Variants in SLC1A1 observed in about 807,000 individuals in gnomAD.
SLC1A1 encodes excitatory amino acid transporter 3.
SLC1A1 carries 43 observed loss-of-function variants against 53.3 expected under a neutral mutation model. The ratio of observed to expected loss-of-function variants is 0.81; its 90% CI spans 0.63 to 1.04. The LOEUF is 1.04. Among genes scored for constraint, SLC1A1 ranks in the 50% least tolerant of loss-of-function variants. The pLI is 0.00. For synonymous variants in SLC1A1, 307 were observed against 243.2 expected (o/e 1.26, Z -2.44); for missense variants, 748 against 664.9 (o/e 1.12, Z -1.37).
intron 10 of SLC1A1, among the ~76,000 whole-genome samples, chr9:4,580,284 T>C (rs1392960207): frequency 6.6e-6 from 1 of 151,396 alleles, no homozygotes; most frequent in African/African-American, 2.4e-5. Context: ...GAAAGAAAAG[T>C]AAAGCTAATT....
intron 11 of SLC1A1, among the ~76,000 whole-genome samples, chr9:4,584,635 A>G (rs902539468): frequency 6.6e-6 from 1 of 152,310 alleles, no homozygotes; most frequent in Admixed American, 6.5e-5. Flanking sequence ...GCCAGTATCA[A>G]AATGGATCCT....
At chr9:4,521,251 CT>C (rs1053772842) in intron 1 of SLC1A1, among the ~76,000 whole-genome samples, 6 of 152,072 alleles carry the variant, frequency 3.9e-5, no homozygotes, top group African/African-American at 1.4e-4. Flanking sequence ...TAATTTTTTT[CT>C]GCCATATTGT....
chr9:4,532,862 C>A (rs1816527442), intron 1 of SLC1A1, among the ~76,000 whole-genome samples: 1 of 152,148 alleles, frequency 6.6e-6, no homozygotes, highest in South Asian at 2.1e-4. Context: ...AACAGCTGAT[C>A]TCTCGGCAGA....
chr9:4,521,319 G>T (rs185788930), intron 1 of SLC1A1, among the ~76,000 whole-genome samples: 8 of 152,300 alleles, frequency 5.3e-5, no homozygotes, highest in Non-Finnish European at 1.2e-4. Context: ...GTATTTGGAA[G>T]GTCATCAGGA....
Position 4,583,882 on chromosome 9 carries a change from T to TCA in SLC1A1, c.1328+739_1328+740dup, listed in dbSNP as rs113177004. 4.4e-3 allele frequency among the ~76,000 whole-genome samples: 606 copies of TCA among 137,024 alleles called. 1 individual carries two copies. The highest frequency in any genetic ancestry group is 0.033 in the East Asian group (162 of 4,850). The allele number at this position is 137,024 out of a possible 152,430, so 89.9% of individuals were successfully genotyped here. On this transcript the variant is annotated intron_variant, in intron 11 of 11. Coordinates refer to ENST00000262352, the MANE Select transcript of SLC1A1 (RefSeq NM_004170.6). The surrounding 1 kb of genome is among the most constrained non-coding windows in gnomAD (Gnocchi z 4.6). ...CTCTCTCTCTCTCTCTCTCTCTCTC[T>TCA]CACACACACACACACACACACACAC...
chr9:4,520,517 C>T (rs1044784531), intron 1 of SLC1A1, among the ~76,000 whole-genome samples: 19 of 152,176 alleles, frequency 1.2e-4, no homozygotes, highest in African/African-American at 4.6e-4. Context: ...AATACATGGA[C>T]TTTTGTGACT....
rs186959309 is a variant in SLC1A1 at position 4,512,416 on chromosome 9, G to A, written c.91+21646G>A. Among the ~76,000 whole-genome samples the A allele has an allele frequency of 3.0e-3, 452 of 152,256 alleles. 5 individuals are homozygous for A. Among genetic ancestry groups the A allele is most frequent in the African/African-American group, 9.6e-3 (400 of 41,556 alleles). ...CCAGCTACTTGGTAGGCTGAGGTGG[G>A]AGGATTGCTTGAGCCCGGGAGATTG... On this transcript the variant is annotated intron_variant, in intron 1 of 11. Coordinates refer to ENST00000262352, the MANE Select transcript of SLC1A1 (RefSeq NM_004170.6).
intron 1 of SLC1A1, among the ~76,000 whole-genome samples, chr9:4,533,542 A>G (rs1206788020): frequency 2.0e-5 from 3 of 152,250 alleles, no homozygotes; most frequent in African/African-American, 4.8e-5. Flanking sequence ...CACCCAATAC[A>G]GGAGCACCCA....
rs745637813 is a variant in SLC1A1, at chr9:4,566,028, C to T, written c.441-19C>T. On this transcript the variant is annotated intron_variant, in intron 4 of 11. Coordinates refer to ENST00000262352, the MANE Select transcript of SLC1A1 (RefSeq NM_004170.6). ...TACTTTTTGCCCTAACATAATACTGCCTTTTATGTCTCCAACAGGAATATG... is the reference window on the plus strand; with the variant it reads ...TACTTTTTGCCCTAACATAATACTGTCTTTTATGTCTCCAACAGGAATATG... 3.1e-6 allele frequency: 5 copies of T among 1,603,344 alleles called. No homozygotes were observed. The South Asian group carries it at 4.4e-5, about 14-fold the overall frequency.
chr9:4,517,439 T>A lies in SLC1A1; in HGVS notation c.91+26669T>A, dbSNP rs76361151. On this transcript the variant is annotated intron_variant, in intron 1 of 11. Coordinates refer to ENST00000262352, the MANE Select transcript of SLC1A1 (RefSeq NM_004170.6). ...CTCTTTGACCTCACAACATAGCACCTCTGTGGTGCTGGCACGAAGAAGTCA... is the reference window on the plus strand; with the variant it reads ...CTCTTTGACCTCACAACATAGCACCACTGTGGTGCTGGCACGAAGAAGTCA... Among the ~76,000 whole-genome samples, 1,163 of 152,268 alleles carry A rather than the reference T, an allele frequency of 7.6e-3. 17 individuals are homozygous for A. The highest frequency in any genetic ancestry group is 0.026 in the African/African-American group (1,096 of 41,552).
intron 4 of SLC1A1, among the ~76,000 whole-genome samples, 182 bp downstream of exon 4, chr9:4,564,640 T>A (rs1819308253): frequency 6.6e-6 from 1 of 152,220 alleles, no homozygotes; most frequent in Non-Finnish European, 1.5e-5. Flanking sequence ...CAAGTCTTGG[T>A]TCCAAGAGGG....
chr9:4,584,390 C>A (rs150767029), intron 11 of SLC1A1, among the ~76,000 whole-genome samples: 183 of 152,278 alleles, frequency 1.2e-3, no homozygotes, highest in African/African-American at 3.9e-3. Flanking sequence ...CATTTTTCTC[C>A]TTTCCCTGAG....
chr9:4,505,483 G>C (rs75856102), intron 1 of SLC1A1, among the ~76,000 whole-genome samples: 5,593 of 152,210 alleles, frequency 0.037, 361 homozygotes, highest in African/African-American at 0.12. Flanking sequence ...TGAGCTCCCA[G>C]AAAAATAATA....
chr9:4,511,377 A>G (rs77103729), intron 1 of SLC1A1, among the ~76,000 whole-genome samples: 6,533 of 152,080 alleles, frequency 0.043, 477 homozygotes, highest in African/African-American at 0.15. Context: ...CTCTTTCAAA[A>G]AGGCACTAAT....
At chr9:4,568,443 G>A (rs1385477266) in intron 6 of SLC1A1, among the ~76,000 whole-genome samples, 3 of 151,612 alleles carry the variant, frequency 2.0e-5, no homozygotes, top group Non-Finnish European at 2.9e-5. Context: ...GGACCAGGCT[G>A]GGCATGGTGG....
chr9:4,545,074 G>T (rs1817356695), intron 2 of SLC1A1, among the ~76,000 whole-genome samples: 2 of 152,186 alleles, frequency 1.3e-5, no homozygotes, highest in Non-Finnish European at 2.9e-5. Flanking sequence ...TACAATTCAA[G>T]ATGAGATTTG....
chr9:4,573,894 G>T lies in SLC1A1; in HGVS notation c.768-13G>T. ...GATGACGGAATCACGCCTCTGTTGT[G>T]CTTCCTTTCCAGTTATATGCCACTA... On this transcript the variant is annotated splice_polypyrimidine_tract_variant and intron_variant, in intron 7 of 11. Transcript: ENST00000262352. 1.3e-6 allele frequency: 2 copies of T among 1,561,822 alleles called. No homozygotes were observed. Among genetic ancestry groups the T allele is most frequent in the Non-Finnish European group, 1.8e-6 (2 of 1,132,360 alleles).
At chr9:4,523,554 T>C (rs1397710894) in intron 1 of SLC1A1, among the ~76,000 whole-genome samples, 1 of 152,252 alleles carries the variant, frequency 6.6e-6, no homozygotes, top group African/African-American at 2.4e-5. Flanking sequence ...ATTTTGTTAA[T>C]TTGGTCATAC....
intron 1 of SLC1A1, among the ~76,000 whole-genome samples, chr9:4,524,700 A>G (rs1485686233): frequency 6.6e-6 from 1 of 152,226 alleles, no homozygotes; most frequent in East Asian, 1.9e-4. Flanking sequence ...GGCCATGTGT[A>G]TATAATTTAA....
Sources: gnomAD v4.1 joint callset for allele counts (sites outside exome capture counted in the v4.1 genomes callset) on GRCh38, gnomAD v4.1.1 for gene constraint, Gnocchi (gnomAD v3.1) non-coding constraint, MANE v1.5 for transcripts, NCBI Gene and HGNC (gene_info 2026-07-23, HGNC 2026-07-21) for gene names.